Variants in STK3 observed in about 807,000 individuals in gnomAD.
The protein encoded by STK3 is serine/threonine-protein kinase 3.
A neutral mutation model predicts 58.0 loss-of-function variants in STK3; 41 were observed. The observed-to-expected ratio is 0.71, with a 90% CI of 0.55 to 0.92. The LOEUF (loss-of-function observed/expected upper bound fraction) is 0.92, where lower values mean the gene tolerates loss of function less well. Ranked by LOEUF, STK3 falls within the 40% of genes least tolerant of loss-of-function variation. The pLI, the probability that STK3 is intolerant of heterozygous loss-of-function variation, is 0.00. For missense variants in STK3, 479 were observed against 602.7 expected (o/e 0.79, Z 2.15); for synonymous variants, 170 against 191.0 (o/e 0.89, Z 0.91).
At chr8:98,856,155 CAAAAAA>C (rs60632558) in intron 3 of STK3, among the ~76,000 whole-genome samples, 3 of 54,050 alleles carry the variant, frequency 5.6e-5, no homozygotes, top group African/African-American at 2.4e-4. Context: ...GACTCCATCT[CAAAAAA>C]AAAAAAAAAA....
At chr8:98,896,554 T>C (rs1479040608) in intron 1 of STK3, among the ~76,000 whole-genome samples, 1 of 152,134 alleles carries the variant, frequency 6.6e-6, no homozygotes, top group Non-Finnish European at 1.5e-5. Context: ...AGGGTAAAAT[T>C]AAAAATTTCC....
chr8:98,506,121 C>T (rs1033053921), intron 10 of STK3, among the ~76,000 whole-genome samples: 2 of 152,260 alleles, frequency 1.3e-5, no homozygotes, highest in Non-Finnish European at 2.9e-5. Context: ...GCCCCTCCCC[C>T]TGCCAGGTTG....
intron 6 of STK3, among the ~76,000 whole-genome samples, chr8:98,673,766 A>G (rs1822995272): frequency 6.6e-6 from 1 of 152,182 alleles, no homozygotes. Context: ...AATTCATCTC[A>G]ATAATTTCAA....
intron 4 of STK3, among the ~76,000 whole-genome samples, chr8:98,740,433 C>T (rs1270990419): frequency 1.3e-5 from 2 of 152,120 alleles, no homozygotes; most frequent in African/African-American, 2.4e-5. Flanking sequence ...CAGTGGGGGC[C>T]AATATTCAAG....
chr8:98,794,569 T>C (rs1286665111), intron 1 of STK3, among the ~76,000 whole-genome samples: 2 of 152,174 alleles, frequency 1.3e-5, no homozygotes, highest in East Asian at 3.8e-4. Context: ...CACATGGATT[T>C]ACAGCCGAAT....
intron 8 of STK3, among the ~76,000 whole-genome samples, chr8:98,559,509 C>T (rs1031391825): frequency 6.6e-6 from 1 of 152,110 alleles, no homozygotes; most frequent in Non-Finnish European, 1.5e-5. Context: ...ACAAAAGCAG[C>T]AACCTACACT....
intron 3 of STK3, among the ~76,000 whole-genome samples, chr8:98,844,805 T>C (rs900077688): frequency 2.6e-5 from 4 of 152,206 alleles, no homozygotes; most frequent in African/African-American, 9.7e-5. Context: ...ATTGCTAGCA[T>C]GATCAGATGG....
intron 9 of STK3, 69 bp downstream of exon 9, chr8:98,547,900 T>C (rs1044841582): frequency 3.7e-6 from 5 of 1,346,160 alleles, no homozygotes; most frequent in Non-Finnish European, 3.9e-6. Context: ...AACACAGAAC[T>C]AGCCTGGTTC....
At chr8:98,645,293 A>G (rs1037891655) in intron 6 of STK3, among the ~76,000 whole-genome samples, 1 of 152,234 alleles carries the variant, frequency 6.6e-6, no homozygotes, top group Admixed American at 6.5e-5. Context: ...CCTACTCAGT[A>G]GAGTCCTTAA....
At chr8:98,790,882 G>T (rs1311265065) in intron 1 of STK3, among the ~76,000 whole-genome samples, 1 of 152,104 alleles carries the variant, frequency 6.6e-6, no homozygotes, top group Non-Finnish European at 1.5e-5. Context: ...TACTTGGGAG[G>T]CTGAGGCAGG....
chr8:98,380,266 C>T (rs570168957), intron 1 of STK3, among the ~76,000 whole-genome samples: 22 of 152,078 alleles, frequency 1.4e-4, no homozygotes, highest in South Asian at 4.2e-4. Flanking sequence ...ACACTTATTA[C>T]GGGGATAGAA....
intron 1 of STK3, among the ~76,000 whole-genome samples, chr8:98,793,084 C>A (rs988633090): frequency 6.6e-6 from 1 of 152,018 alleles, no homozygotes; most frequent in South Asian, 2.1e-4. Flanking sequence ...GAATAGAAAA[C>A]CAAACATCAT....
Position 98,825,579 on chromosome 8 carries a change from A to G in STK3, c.-39T>C. 1 of 1,425,398 alleles carries G rather than the reference A, an allele frequency of 7.0e-7. No homozygotes were observed. The highest frequency in any genetic ancestry group is 9.2e-7 in the Non-Finnish European group (1 of 1,083,046). 88.3% of individuals were successfully genotyped at this position (1,425,398 alleles called of 1,614,324 possible). ...AGAGAGAGGGACCTGGTGGACGGCGAAGGCCGAAAGGAGGAAAGGAGCCGG... is the reference window on the plus strand; with the variant it reads ...AGAGAGAGGGACCTGGTGGACGGCGGAGGCCGAAAGGAGGAAAGGAGCCGG... On this transcript the variant is annotated 5_prime_UTR_variant, in exon 1 of 11. Transcript: ENST00000419617.
chr8:98,646,486 G>A lies in STK3; in HGVS notation c.685-50317C>T, dbSNP rs979203773. On this transcript the variant is annotated intron_variant, in intron 6 of 10. Coordinates refer to ENST00000419617, the MANE Select transcript of STK3 (RefSeq NM_006281.4). ...CTATTCAGAGCTAGCCTATGCAAAAGAGAAGACAGCAGTCTTCAGATGTGA... is the reference window on the plus strand; with the variant it reads ...CTATTCAGAGCTAGCCTATGCAAAAAAGAAGACAGCAGTCTTCAGATGTGA... 7.9e-5 allele frequency among the ~76,000 whole-genome samples: 12 copies of A among 152,268 alleles called. No individual in the cohort carries two copies. In the South Asian group the frequency reaches 2.3e-3, roughly 29 times the overall value.
At chr8:98,766,862 C>T (rs1411698506) in intron 3 of STK3, among the ~76,000 whole-genome samples, 1 of 152,178 alleles carries the variant, frequency 6.6e-6, no homozygotes, top group Non-Finnish European at 1.5e-5. Flanking sequence ...GTAGCTCACG[C>T]CTGTAATCCC....
chr8:98,708,835 T>C (rs1026454523), intron 4 of STK3, among the ~76,000 whole-genome samples: 4 of 151,678 alleles, frequency 2.6e-5, no homozygotes, highest in African/African-American at 9.7e-5. Flanking sequence ...CTCACAAGAG[T>C]GAGAGGGGCT....
chr8:98,724,497 G>A (rs1827660958), intron 4 of STK3, among the ~76,000 whole-genome samples: 1 of 152,178 alleles, frequency 6.6e-6, no homozygotes, highest in African/African-American at 2.4e-5. Flanking sequence ...AGTGCAAAAT[G>A]GGAAGTCAGA....
intron 3 of STK3, among the ~76,000 whole-genome samples, chr8:98,421,901 A>C (rs1818179521): frequency 6.6e-6 from 1 of 152,196 alleles, no homozygotes; most frequent in South Asian, 2.1e-4. Flanking sequence ...TCCAAGGATA[A>C]GGAACTTGGA....
chr8:98,533,003 G>A (rs976874779), intron 9 of STK3, among the ~76,000 whole-genome samples: 3 of 151,732 alleles, frequency 2.0e-5, no homozygotes, highest in Admixed American at 6.6e-5. Context: ...TGACCTCAAG[G>A]TTCATTCATG....
Sources: allele counts gnomAD v4.1 joint callset (sites outside exome capture counted in the v4.1 genomes callset), GRCh38; gene constraint gnomAD v4.1.1; transcripts MANE v1.5; gene names NCBI Gene and HGNC (gene_info 2026-07-23, HGNC 2026-07-21).